Variants in MEP1A observed in about 807,000 individuals in gnomAD.
MEP1A encodes N-benzoyl-L-tyrosyl-P-amino-benzoic acid hydrolase subunit alpha.
A neutral mutation model predicts 84.5 loss-of-function variants in MEP1A; 68 were observed. The observed-to-expected ratio is 0.80, with a 90% CI of 0.66 to 0.98. The LOEUF (loss-of-function observed/expected upper bound fraction) is 0.98. Among genes scored for constraint, MEP1A ranks in the 50% least tolerant of loss-of-function variants. The pLI is 0.00. For missense variants in MEP1A, 887 were observed against 919.9 expected (o/e 0.96, Z 0.46); for synonymous variants, 337 against 336.8 (o/e 1.00, Z -0.01).
Position 46,814,182 on chromosome 6 carries a change from C to A in MEP1A, c.380+4645C>A, listed in dbSNP as rs376282327. On this transcript the variant is annotated intron_variant, in intron 6 of 13. Transcript: ENST00000230588. Reference sequence around the variant, plus strand: ...TGGATTTCTCCTTCTTCTGGTACACCAATTATTCTTAGGTTTGGATGTTTA... The same window carrying A: ...TGGATTTCTCCTTCTTCTGGTACACAAATTATTCTTAGGTTTGGATGTTTA... Among the ~76,000 whole-genome samples, 6 of 152,204 alleles carry A rather than the reference C, an allele frequency of 3.9e-5. No individual in the cohort carries two copies. In the East Asian group the frequency reaches 7.7e-4, roughly 20 times the overall value.
At chr6:46,806,673 G>A (rs1441669889) in intron 5 of MEP1A, among the ~76,000 whole-genome samples, 1 of 151,886 alleles carries the variant, frequency 6.6e-6, no homozygotes, top group African/African-American at 2.4e-5. Flanking sequence ...AGGATTGAAG[G>A]GGCACTTATA....
intron 6 of MEP1A, among the ~76,000 whole-genome samples, chr6:46,817,145 A>C (rs376199446): frequency 6.6e-6 from 1 of 152,314 alleles, no homozygotes. Flanking sequence ...AATCTGTGAA[A>C]AAGTGTATTT....
chr6:46,826,847 G>A (rs925907929), intron 9 of MEP1A, among the ~76,000 whole-genome samples: 1 of 152,124 alleles, frequency 6.6e-6, no homozygotes, highest in African/African-American at 2.4e-5. Flanking sequence ...CATGAATCTG[G>A]CTCTGTGGCA....
At chr6:46,833,561 A>C (rs772978886) in intron 11 of MEP1A, 23 bp downstream of exon 11, 1 of 1,572,408 alleles carries the variant, frequency 6.4e-7, no homozygotes, top group Admixed American at 1.7e-5. Flanking sequence ...AGCGCAAATA[A>C]GAACTGCCCC....
chr6:46,824,071 C>T (rs1171619346), intron 7 of MEP1A, among the ~76,000 whole-genome samples: 1 of 152,128 alleles, frequency 6.6e-6, no homozygotes, highest in Non-Finnish European at 1.5e-5. Context: ...TTCTCCTAAC[C>T]CATGAAGAGT....
chr6:46,828,308 T>C (rs1257872011), intron 9 of MEP1A, among the ~76,000 whole-genome samples: 1 of 151,830 alleles, frequency 6.6e-6, no homozygotes, highest in Non-Finnish European at 1.5e-5. Context: ...AGTTCAAATA[T>C]TGAGAAGAAG....
At position 46,833,133 on chromosome 6, in the gene MEP1A, C is replaced by T. The variant is rs748068549; in HGVS notation, c.1204C>T (p.Arg402Cys). Residue 402 changes from arginine (R) to cysteine (C), a missense_variant, in exon 11 of 14, where the codon CGC (arginine) becomes TGC (cysteine). By Grantham distance (180) the Arg-to-Cys change is radical. Coordinates refer to ENST00000230588, the MANE Select transcript of MEP1A (RefSeq NM_005588.3). Reference sequence around the variant, plus strand: ...GGTGCTCAAAGAGGAACAGAAGTTTCGCTACCTTTTCCAGGGCACAAAAGG... The same window carrying T: ...GGTGCTCAAAGAGGAACAGAAGTTTTGCTACCTTTTCCAGGGCACAAAAGG... ...HVVLKEEQKF[R>C]YLFQGTKGDP... 2.3e-5 allele frequency: 35 copies of T among 1,554,858 alleles called. No individual in the cohort carries two copies. The East Asian group carries it at 4.7e-4, about 21-fold the overall frequency.
chr6:46,826,388 T>G lies in MEP1A; in HGVS notation c.813T>G (p.Phe271Leu). Reference protein sequence around the residue: ...TTHTLLDHCTFEKANICGMIQ... With the variant: ...TTHTLLDHCTLEKANICGMIQ... ...ACACTCTTTTGGACCACTGTACTTT[T>G]GAGAAGGCAAACATCTGTGGAATGA... The change falls in exon 9 of 14, where the codon TTT becomes TTG. Residue 271 changes from phenylalanine to leucine, a missense_variant. By Grantham distance (22) the Phe-to-Leu change is conservative. Transcript: ENST00000230588. 1 of 1,609,842 alleles carries G rather than the reference T, an allele frequency of 6.2e-7. No individual in the cohort carries two copies.
rs928223042 is a variant in MEP1A, at chr6:46,812,687, AT to A, written c.380+3159del. Among the ~76,000 whole-genome samples, 77 of 151,510 alleles carry A rather than the reference AT, an allele frequency of 5.1e-4. 1 individual carries two copies. Among genetic ancestry groups the A allele is most frequent in the African/African-American group, 1.6e-3 (67 of 41,362 alleles). On this transcript the variant is annotated intron_variant, in intron 6 of 13. Transcript: ENST00000230588. ...TGTCACTATTATCATTCAGTCCAAA[AT>A]TTTTTTTTAATTTCCATCTTGATTT...
intron 6 of MEP1A, among the ~76,000 whole-genome samples, chr6:46,812,130 T>C (rs1767517312): frequency 6.6e-6 from 1 of 152,068 alleles, no homozygotes; most frequent in Non-Finnish European, 1.5e-5. Flanking sequence ...AATTTTTGAA[T>C]TGCCATTTCA....
chr6:46,834,329 C>T (rs1768156253), intron 11 of MEP1A, among the ~76,000 whole-genome samples: 1 of 152,010 alleles, frequency 6.6e-6, no homozygotes, highest in Admixed American at 6.5e-5. Flanking sequence ...GACAACTGAT[C>T]ACTCAGAGCT....
In MEP1A at chr6:46,835,455, C is replaced by G; in HGVS notation, c.1990C>G (p.His664Asp). 6.2e-7 allele frequency: 1 copy of G among 1,612,788 alleles called. No individual in the cohort carries two copies. ...SVENTGPLED[H>D]NWPQYFRDPC... ...GGAGAACACAGGCCCCCTGGAGGACCATAACTGGCCACAGTACTTCAGAGA... is the reference window on the plus strand; with the variant it reads ...GGAGAACACAGGCCCCCTGGAGGACGATAACTGGCCACAGTACTTCAGAGA... Residue 664 changes from histidine to aspartate, a missense_variant, in exon 13 of 14, where the codon CAT (histidine) becomes GAT (aspartate). Physicochemically the swap from His to Asp is moderately conservative, Grantham distance 81 (BLOSUM62 -1). Transcript: ENST00000230588.
chr6:46,810,583 A>T (rs1767474149), intron 6 of MEP1A, among the ~76,000 whole-genome samples: 1 of 152,014 alleles, frequency 6.6e-6, no homozygotes, highest in Non-Finnish European at 1.5e-5. Context: ...TACCTTCTAG[A>T]ATCTTTATGG....
At chr6:46,818,978 T>A (rs372616371) in intron 6 of MEP1A, among the ~76,000 whole-genome samples, 1 of 67,922 alleles carries the variant, frequency 1.5e-5, no homozygotes, top group Non-Finnish European at 3.1e-5. Flanking sequence ...AATAAAAACA[T>A]TATCTGCCTG....
At chr6:46,797,834 C>CTTTCTTTCTTTCTT (rs1345531724) in intron 3 of MEP1A, among the ~76,000 whole-genome samples, 13 of 145,296 alleles carry the variant, frequency 8.9e-5, no homozygotes, top group African/African-American at 3.4e-4. Flanking sequence ...TTCTTTCTTT[C>CTTTCTTTCTTTCTT]TTTCTCTCTC....
chr6:46,820,620 T>A (rs1767749283), intron 7 of MEP1A, among the ~76,000 whole-genome samples: 1 of 152,224 alleles, frequency 6.6e-6, no homozygotes, highest in African/African-American at 2.4e-5. Context: ...ACTCCTGACC[T>A]CAGGTGATCG....
At chr6:46,816,839 T>G (rs543057046) in intron 6 of MEP1A, among the ~76,000 whole-genome samples, 1 of 152,212 alleles carries the variant, frequency 6.6e-6, no homozygotes, top group South Asian at 2.1e-4. Context: ...GCAACCTGTA[T>G]GACTCAGCAG....
At chr6:46,826,009 T>C (rs1767935339) in intron 8 of MEP1A, among the ~76,000 whole-genome samples, 1 of 152,162 alleles carries the variant, frequency 6.6e-6, no homozygotes, top group Non-Finnish European at 1.5e-5. Context: ...AGAGATAAAA[T>C]GTTTGATTCT....
At chr6:46,830,947 T>C (rs1768061512) in intron 10 of MEP1A, among the ~76,000 whole-genome samples, 1 of 152,212 alleles carries the variant, frequency 6.6e-6, no homozygotes, top group Admixed American at 6.5e-5. Context: ...GTTTCAATAA[T>C]ATTGATGGGA....
Sources: gnomAD v4.1 joint callset for allele counts (sites outside exome capture counted in the v4.1 genomes callset) on GRCh38, gnomAD v4.1.1 for gene constraint, MANE v1.5 for transcripts, NCBI Gene and HGNC (gene_info 2026-07-23, HGNC 2026-07-21) for gene names.